ARHGAP42: variants seen among roughly 807,000 people sequenced by gnomAD.
ARHGAP42 encodes rho GTPase-activating protein 42.
In ARHGAP42, 63 loss-of-function variants were observed where a neutral mutation model predicts 125.0. The observed-to-expected ratio is 0.50, with a 90% CI of 0.41 to 0.62. ARHGAP42 has a LOEUF of 0.62. ARHGAP42 is among the 20% of genes least tolerant of loss of function. The pLI is 0.00. For synonymous variants in ARHGAP42, 339 were observed against 351.0 expected (o/e 0.97, Z 0.38); for missense variants, 766 against 1,024.2 (o/e 0.75, Z 3.44).
At chr11:100,970,749 G>C (rs188924072) in intron 17 of ARHGAP42, among the ~76,000 whole-genome samples, 98 of 152,216 alleles carry the variant, frequency 6.4e-4, no homozygotes, top group Middle Eastern at 3.4e-3. Context: ...CTTGGCACTG[G>C]CTGAGGGAGG....
rs1260215372 is a variant in ARHGAP42 at position 100,981,084 on chromosome 11, T to A, written c.2456+2035T>A. ...ACAGACCCTAGTTCAAATTTTTAGG[T>A]CACCACTTTCTAGTTCGTGTAACCT... On this transcript the variant is annotated intron_variant, in intron 22 of 23. Coordinates refer to ENST00000298815, the MANE Select transcript of ARHGAP42 (RefSeq NM_152432.4). 2.6e-5 allele frequency among the ~76,000 whole-genome samples: 4 copies of A among 152,130 alleles called. No individual in the cohort carries two copies. In the East Asian group the frequency reaches 7.7e-4, roughly 29 times the overall value.
At chr11:100,688,016 C>A in intron 1 of ARHGAP42, 184 bp downstream of exon 1, 1 of 586,372 alleles carries the variant, frequency 1.7e-6, no homozygotes, top group Non-Finnish European at 2.8e-6. Context: ...TACTTACTCA[C>A]ATGTCTACAG....
At chr11:100,931,981 T>C (rs653344) in intron 6 of ARHGAP42, among the ~76,000 whole-genome samples, 135,574 of 152,224 alleles carry the variant, frequency 0.89, 60,649 homozygotes, top group East Asian at 1. Flanking sequence ...CATTTTGGTA[T>C]AATATCAGGA....
chr11:100,689,311 G>A (rs61908740), intron 1 of ARHGAP42, among the ~76,000 whole-genome samples: 33,371 of 152,040 alleles, frequency 0.22, 3,880 homozygotes, highest in Non-Finnish European at 0.25. Context: ...TTAAAGTCTC[G>A]CGGGACTAAC....
At chr11:100,714,967 G>A (rs965190191) in intron 1 of ARHGAP42, among the ~76,000 whole-genome samples, 3 of 147,530 alleles carry the variant, frequency 2.0e-5, no homozygotes, top group Non-Finnish European at 4.4e-5. Flanking sequence ...AGGATCACCT[G>A]AGCCTGAGAA....
chr11:100,735,026 C>CAAA (rs555754311), intron 1 of ARHGAP42, among the ~76,000 whole-genome samples: 6 of 151,972 alleles, frequency 3.9e-5, no homozygotes, highest in African/African-American at 1.2e-4. Flanking sequence ...ACAACAACAA[C>CAAA]AAAACCCTGT....
intron 3 of ARHGAP42, among the ~76,000 whole-genome samples, chr11:100,849,917 C>T (rs1378316020): frequency 2.6e-5 from 4 of 152,142 alleles, no homozygotes; most frequent in Admixed American, 1.3e-4. Context: ...ATGATGCTTA[C>T]GTTTCTGAAG....
intron 22 of ARHGAP42, among the ~76,000 whole-genome samples, chr11:100,985,889 A>G (rs569920398): frequency 6.6e-6 from 1 of 152,208 alleles, no homozygotes; most frequent in East Asian, 1.9e-4. Flanking sequence ...CAACAGGGAA[A>G]TGAAATTATA....
intron 4 of ARHGAP42, among the ~76,000 whole-genome samples, chr11:100,877,058 A>T (rs1479398960): frequency 6.6e-6 from 1 of 152,204 alleles, no homozygotes; most frequent in African/African-American, 2.4e-5. Flanking sequence ...TATTTGGTAA[A>T]TGTGGTTAAC....
chr11:100,861,563 T>G (rs899528329), intron 4 of ARHGAP42, among the ~76,000 whole-genome samples: 1 of 152,074 alleles, frequency 6.6e-6, no homozygotes, highest in African/African-American at 2.4e-5. Context: ...GACAAGGAGA[T>G]GTATGAAAGC....
chr11:100,989,224 T>C lies in ARHGAP42; in HGVS notation c.*423T>C. The C allele has an allele frequency of 5.0e-6, 2 of 398,028 alleles. No individual in the cohort carries two copies. The highest frequency in any genetic ancestry group is 8.9e-6 in the Non-Finnish European group (2 of 225,734). The allele number at this position is 398,028 out of a possible 1,614,324, so 24.7% of individuals were successfully genotyped here. A position where few individuals can be genotyped will look rare whatever the true frequency, so the allele number is the denominator to read the frequency against. Reference sequence around the variant, plus strand: ...GAAATTGTTACTTAAAAATGTAATTTAAATTGTTCATTTATTGTTTTTTTT... The same window carrying C: ...GAAATTGTTACTTAAAAATGTAATTCAAATTGTTCATTTATTGTTTTTTTT... On this transcript the variant is annotated 3_prime_UTR_variant, in exon 24 of 24. Coordinates refer to ENST00000298815, the MANE Select transcript of ARHGAP42 (RefSeq NM_152432.4).
At chr11:100,816,393 GGGGTGGGT>G (rs981083949) in intron 3 of ARHGAP42, among the ~76,000 whole-genome samples, 1 of 152,026 alleles carries the variant, frequency 6.6e-6, no homozygotes, top group African/African-American at 2.4e-5. Flanking sequence ...AGACATGGTT[GGGGTGGGT>G]GGAGATATGT....
At chr11:100,937,558 T>C (rs1475453613) in intron 8 of ARHGAP42, among the ~76,000 whole-genome samples, 1 of 152,206 alleles carries the variant, frequency 6.6e-6, no homozygotes, top group Non-Finnish European at 1.5e-5. Flanking sequence ...TTTCTACCAA[T>C]AAAATATTTG....
At chr11:100,845,053 C>T (rs2135118427) in intron 3 of ARHGAP42, among the ~76,000 whole-genome samples, 1 of 151,730 alleles carries the variant, frequency 6.6e-6, no homozygotes, top group East Asian at 1.9e-4. Context: ...TCCTATCAAT[C>T]AACAAGTGGA....
chr11:100,715,332 G>A (rs567318370), intron 1 of ARHGAP42, among the ~76,000 whole-genome samples: 7 of 152,110 alleles, frequency 4.6e-5, no homozygotes, highest in African/African-American at 1.4e-4. Context: ...TGTAGAACAG[G>A]ATGTCCTGCA....
chr11:100,912,766 C>A (rs1257081018), intron 4 of ARHGAP42, among the ~76,000 whole-genome samples: 4 of 152,110 alleles, frequency 2.6e-5, no homozygotes, highest in African/African-American at 4.8e-5. Flanking sequence ...CCCAGTTGTT[C>A]CCCAAAACTC....
At chr11:100,750,800 A>G (rs189088987) in intron 1 of ARHGAP42, among the ~76,000 whole-genome samples, 49 of 152,346 alleles carry the variant, frequency 3.2e-4, no homozygotes, top group African/African-American at 8.4e-4. Context: ...GTTTAAAAGT[A>G]GAAGGCAAAG....
intron 5 of ARHGAP42, among the ~76,000 whole-genome samples, chr11:100,917,015 T>TTGTGTGTGTGTGTGTGTG (rs6144479): frequency 1.3e-5 from 2 of 149,508 alleles, no homozygotes; most frequent in Non-Finnish European, 3.0e-5. Flanking sequence ...TAAAATAAGT[T>TTGTGTGTGTGTGTGTGTG]TGTGTGTGTG....
At chr11:100,911,139 C>T (rs1021395707) in intron 4 of ARHGAP42, among the ~76,000 whole-genome samples, 2 of 152,096 alleles carry the variant, frequency 1.3e-5, no homozygotes, top group African/African-American at 2.4e-5. Flanking sequence ...TACTGTAACC[C>T]GGCTGGTTGC....
Sources: allele counts gnomAD v4.1 joint callset (sites outside exome capture counted in the v4.1 genomes callset), GRCh38; gene constraint gnomAD v4.1.1; transcripts MANE v1.5; gene names NCBI Gene and HGNC (gene_info 2026-07-23, HGNC 2026-07-21).